Variants in ACTL6A observed in about 807,000 individuals in gnomAD.
ACTL6A encodes actin-like protein 6A.
A neutral mutation model predicts 59.2 loss-of-function variants in ACTL6A; 5 were observed. The observed-to-expected ratio is 0.08, with a 90% CI of 0.04 to 0.18. ACTL6A has a LOEUF of 0.18. Ranked by LOEUF, ACTL6A falls within the 10% of genes least tolerant of loss-of-function variation. ACTL6A has a pLI of 1.00. For synonymous variants in ACTL6A, 154 were observed against 171.8 expected, an observed-to-expected ratio of 0.90 and a Z score of 0.81; for missense variants, 285 against 526.9, an observed-to-expected ratio of 0.54 and a Z score of 4.49.
At chr3:179,580,525 C>T in intron 8 of ACTL6A, 115 bp from the exon 9 acceptor site, 1 of 674,616 alleles carries the variant, frequency 1.5e-6, no homozygotes, top group Non-Finnish European at 2.5e-6. Flanking sequence ...AATGATTTAC[C>T]CATCTAGAAA....
At chr3:179,574,560 T>G in intron 5 of ACTL6A, 93 bp downstream of exon 5, 1 of 935,434 alleles carries the variant, frequency 1.1e-6, no homozygotes, top group Non-Finnish European at 1.7e-6. Flanking sequence ...CAATTATTGC[T>G]TGTTCCGAAG....
intron 1 of ACTL6A, among the ~76,000 whole-genome samples, chr3:179,567,181 C>T (rs1273718565): frequency 1.3e-5 from 2 of 151,986 alleles, no homozygotes; most frequent in African/African-American, 2.4e-5. Flanking sequence ...GCCTGGCCAA[C>T]ATGGTGAAAC....
chr3:179,572,517 C>G (rs1294805041), intron 3 of ACTL6A, among the ~76,000 whole-genome samples: 1 of 152,158 alleles, frequency 6.6e-6, no homozygotes, highest in Non-Finnish European at 1.5e-5. Flanking sequence ...AGTAGAAGGT[C>G]ATTAGTGGCT....
intron 3 of ACTL6A, among the ~76,000 whole-genome samples, chr3:179,572,352 A>T (rs919980461): frequency 1.3e-5 from 2 of 152,210 alleles, no homozygotes; most frequent in Non-Finnish European, 2.9e-5. Flanking sequence ...GAAAGAAGTT[A>T]AAAAAATCCA....
At position 179,586,582 on chromosome 3, in the gene ACTL6A, G is replaced by A. The variant is rs756769692; in HGVS notation, c.1159G>A (p.Val387Met). 1.9e-6 allele frequency: 3 copies of A among 1,599,556 alleles called. No homozygotes were observed. The highest frequency in any genetic ancestry group is 2.3e-5 in the East Asian group (1 of 43,974). The change falls in exon 13 of 14, where the codon GTG becomes ATG. Residue 387 changes from valine (V) to methionine (M), a missense_variant. Transcript: ENST00000429709. ...GAAATTGATTGCAAATAATACAACA[G>A]TGGAACGGAGGTTTAGCTCATGGAT... ...RLKLIANNTT[V>M]ERRFSSWIGG...
rs559331367 is a variant in ACTL6A at position 179,577,044 on chromosome 3, T to A, written c.768+131T>A. 6.1e-5 allele frequency: 36 copies of A among 593,742 alleles called. No individual in the cohort carries two copies. The African/African-American group carries it at 6.8e-4, about 11-fold the overall frequency. 36.8% of individuals were successfully genotyped at this position (593,742 alleles called of 1,614,324 possible). A position where few individuals can be genotyped will look rare whatever the true frequency, so the allele number is the denominator to read the frequency against. ...TATATTTTCAAGCTCTTTATTTTTT[T>A]TATTACTAAATACATTTTGAAGATT... On this transcript the variant is annotated intron_variant, in intron 8 of 13. Coordinates refer to ENST00000429709, the MANE Select transcript of ACTL6A (RefSeq NM_004301.5).
At chr3:179,572,966 G>C (rs1718055293) in intron 3 of ACTL6A, among the ~76,000 whole-genome samples, 1 of 148,094 alleles carries the variant, frequency 6.8e-6, no homozygotes, top group Non-Finnish European at 1.5e-5. Context: ...GTCGGGTCTA[G>C]ACCATACAAT....
intron 13 of ACTL6A, among the ~76,000 whole-genome samples, chr3:179,587,404 T>C (rs1241640684): frequency 1.3e-5 from 2 of 152,176 alleles, no homozygotes; most frequent in Admixed American, 6.5e-5. Flanking sequence ...CCAGATATTT[T>C]CTAAATCCTG....
chr3:179,581,886 A>G (rs546488318), intron 11 of ACTL6A, among the ~76,000 whole-genome samples: 109 of 152,308 alleles, frequency 7.2e-4, no homozygotes, highest in Non-Finnish European at 1.3e-3. Flanking sequence ...GTTTTGTTAC[A>G]TGACATTTTG....
Position 179,576,844 on chromosome 3 carries a change from T to A in ACTL6A, c.699T>A (p.Ser233=), listed in dbSNP as rs1449462853. 6.2e-7 allele frequency: 1 copy of A among 1,614,040 alleles called. No individual in the cohort carries two copies. Among genetic ancestry groups the A allele is most frequent in the Admixed American group, 1.7e-5 (1 of 59,994 alleles). ...CTCAGGAAGCTGTTCGTGAAGGATC[T>A]CCAGCAAACTGGAAAAGAAAAGAGA... ...IASKEAVREG[S]PANWKRKEKL... is the part of the protein sequence containing the mutation. The change falls in exon 8 of 14, where the codon TCT becomes TCA. Residue 233 remains serine, a synonymous_variant. Coordinates refer to ENST00000429709, the MANE Select transcript of ACTL6A (RefSeq NM_004301.5).
intron 8 of ACTL6A, among the ~76,000 whole-genome samples, chr3:179,580,193 G>T (rs1034279192): frequency 6.6e-6 from 1 of 152,084 alleles, no homozygotes; most frequent in Non-Finnish European, 1.5e-5. Flanking sequence ...TAGAGGTCGT[G>T]TTAGTTCACA....
chr3:179,563,378 G>A (rs1323550144), intron 1 of ACTL6A, among the ~76,000 whole-genome samples: 2 of 152,164 alleles, frequency 1.3e-5, no homozygotes, highest in Admixed American at 1.3e-4. Flanking sequence ...TTTGGGGTGC[G>A]CGCTCGGTTC....
Position 179,563,036 on chromosome 3 carries a change from C to G in ACTL6A, c.-57C>G. The stretch of plus-strand genomic sequence containing the variant: ...CGCTCCTCGAGACTCGCAGTCGCGG[C>G]CACTGCAGTCACTTCGCCAGTTAGC... On this transcript the variant is annotated 5_prime_UTR_variant, in exon 1 of 14. Transcript: ENST00000429709. The G allele has an allele frequency of 6.3e-7, 1 of 1,599,452 alleles. No individual in the cohort carries two copies. Among genetic ancestry groups the G allele is most frequent in the Non-Finnish European group, 8.5e-7 (1 of 1,175,084 alleles).
intron 1 of ACTL6A, 70 bp downstream of exon 1, chr3:179,563,187 C>T (rs966715763): frequency 1.9e-6 from 3 of 1,542,764 alleles, no homozygotes; most frequent in Non-Finnish European, 2.6e-6. Flanking sequence ...CCGCTCCCAG[C>T]CCTCCCCTCC....
In ACTL6A at chr3:179,576,848, G is replaced by C. The variant is rs772337037; in HGVS notation, c.703G>C (p.Ala235Pro). The part of the protein sequence containing the change: ...SKEAVREGSP[A>P]NWKRKEKLPQ... Reference sequence around the variant, plus strand: ...GGAAGCTGTTCGTGAAGGATCTCCAGCAAACTGGAAAAGAAAAGAGAAGTT... The same window carrying C: ...GGAAGCTGTTCGTGAAGGATCTCCACCAAACTGGAAAAGAAAAGAGAAGTT... The change falls in exon 8 of 14, where the codon GCA (alanine) becomes CCA (proline). Residue 235 changes from alanine to proline, a missense_variant. Ala to Pro is a conservative substitution (Grantham distance 27, BLOSUM62 -1). Transcript: ENST00000429709. 3 of 1,613,826 alleles carry C rather than the reference G, an allele frequency of 1.9e-6. No individual in the cohort carries two copies. The African/African-American group carries it at 4.0e-5, about 22-fold the overall frequency.
At chr3:179,571,950 A>G (rs1718021848) in intron 3 of ACTL6A, among the ~76,000 whole-genome samples, 1 of 152,234 alleles carries the variant, frequency 6.6e-6, no homozygotes, top group Non-Finnish European at 1.5e-5. Context: ...CAGCCTTACA[A>G]GCAGGCCTTT....
Position 179,588,084 on chromosome 3 carries a change from T to A in ACTL6A, c.*74T>A. The A allele has an allele frequency of 8.9e-7, 1 of 1,122,954 alleles. No homozygotes were observed. Among genetic ancestry groups the A allele is most frequent in the Non-Finnish European group, 1.2e-6 (1 of 802,556 alleles). The allele number at this position is 1,122,954 out of a possible 1,614,324, so 69.6% of individuals were successfully genotyped here. The stretch of plus-strand genomic sequence containing the variant: ...AGCTTTAGTATACTCAGGAAAAGAA[T>A]GACCATCTTTTGTAGAATGTTTATA... On this transcript the variant is annotated 3_prime_UTR_variant, in exon 14 of 14. Coordinates refer to ENST00000429709, the MANE Select transcript of ACTL6A (RefSeq NM_004301.5).
chr3:179,584,208 T>C (rs1331132997), intron 12 of ACTL6A: 2 of 152,360 alleles, frequency 1.3e-5, no homozygotes, highest in South Asian at 2.1e-4. Flanking sequence ...GATGAGCTCA[T>C]GTTTGTTTTA....
chr3:179,563,641 GGTA>G (rs1717740836), intron 1 of ACTL6A, among the ~76,000 whole-genome samples: 1 of 152,224 alleles, frequency 6.6e-6, no homozygotes, highest in African/African-American at 2.4e-5. Context: ...GGCCACTTAG[GGTA>G]CTGCCTCCTC....
Sources: gnomAD v4.1 joint callset for allele counts (sites outside exome capture counted in the v4.1 genomes callset) on GRCh38, gnomAD v4.1.1 for gene constraint, MANE v1.5 for transcripts, NCBI Gene and HGNC (gene_info 2026-07-23, HGNC 2026-07-21) for gene names.